ZNF81: variants seen among roughly 807,000 people sequenced by gnomAD.
The protein encoded by ZNF81 is zinc finger protein 81, also known as zinc finger protein 81 (HFZ20).
In ZNF81, 5 loss-of-function variants were observed where a neutral mutation model predicts 32.3. The ratio of observed to expected loss-of-function variants is 0.15; its 90% CI spans 0.08 to 0.33. The LOEUF is 0.33. ZNF81 is among the 10% of genes least tolerant of loss of function. The pLI, the probability that ZNF81 is intolerant of heterozygous loss-of-function variation, is 1.00. For synonymous variants in ZNF81, 163 were observed against 166.8 expected (o/e 0.98, Z 0.17); for missense variants, 379 against 479.8 (o/e 0.79, Z 1.96).
chrX:47,871,770 G>T (rs1556883945), intron 2 of ZNF81, among the ~76,000 whole-genome samples: 1 of 111,974 alleles, frequency 8.9e-6, no homozygotes, highest in Non-Finnish European at 1.9e-5. Context: ...AGAGTCAGGT[G>T]ACCCAAGGTA....
intron 2 of ZNF81, among the ~76,000 whole-genome samples, 155 bp downstream of exon 2, chrX:47,846,476 G>T (rs2058471390): frequency 9.0e-6 from 1 of 111,628 alleles, no homozygotes; most frequent in Non-Finnish European, 1.9e-5. Flanking sequence ...TCCCTTTTGT[G>T]AATTTCCTTC....
At chrX:47,905,409 T>TA (rs782351301) in intron 4 of ZNF81, among the ~76,000 whole-genome samples, 1,853 of 29,342 alleles carry the variant, frequency 0.063, 74 homozygotes, top group African/African-American at 0.078. Context: ...AGACTCCATC[T>TA]AAAAAAAAAA....
chrX:47,923,734 G>C lies in ZNF81; in HGVS notation c.*7102G>C, dbSNP rs1334859939. ...TGGACTAGATTATTCTGTCGTTTGG[G>C]TTATACTGAGAAATAAGAGTTGGCT... On this transcript the variant is annotated 3_prime_UTR_variant, in exon 5 of 5. Transcript: ENST00000338637. Among the ~76,000 whole-genome samples, 1 of 111,911 alleles carries C rather than the reference G, an allele frequency of 8.9e-6. No homozygotes were observed. The highest frequency in any genetic ancestry group is 1.9e-5 in the Non-Finnish European group (1 of 53,195).
chrX:47,849,645 C>G (rs2058485416), intron 2 of ZNF81, among the ~76,000 whole-genome samples: 2 of 106,418 alleles, frequency 1.9e-5, no homozygotes, highest in Non-Finnish European at 3.9e-5. Flanking sequence ...GCACTCCAGT[C>G]TGGGTGACAA....
chrX:47,846,089 G>T lies in ZNF81; in HGVS notation c.-163-16G>T. ...AGTGCTATCTGCCTCTGATCATATG[G>T]ACACTGTCTTTCCAGAGTTCTTGGA... On this transcript the variant is annotated splice_polypyrimidine_tract_variant and intron_variant, in intron 1 of 4. Transcript: ENST00000338637. 1 of 541,293 alleles carries T rather than the reference G, an allele frequency of 1.8e-6. No homozygotes were observed. Among genetic ancestry groups the T allele is most frequent in the Non-Finnish European group, 3.2e-6 (1 of 313,391 alleles). 44.6% of individuals were successfully genotyped at this position (541,293 alleles called of 1,213,427 possible).
At chrX:47,856,881 G>A in intron 2 of ZNF81, among the ~76,000 whole-genome samples, 1 of 111,656 alleles carries the variant, frequency 9.0e-6, no homozygotes, top group Non-Finnish European at 1.9e-5. Flanking sequence ...GGTTGGCAGA[G>A]GTTGCAGTGA....
At chrX:47,879,043 T>G (rs782038316) in intron 2 of ZNF81, among the ~76,000 whole-genome samples, 1 of 111,857 alleles carries the variant, frequency 8.9e-6, no homozygotes, top group East Asian at 2.8e-4. Flanking sequence ...TAACCTTCTC[T>G]TCTTCCTCAC....
chrX:47,888,680 G>A (rs1478357427), intron 3 of ZNF81, among the ~76,000 whole-genome samples: 1 of 111,412 alleles, frequency 9.0e-6, no homozygotes, highest in Non-Finnish European at 1.9e-5. Flanking sequence ...TGGAAATGGG[G>A]TGTGGCTGTG....
intron 2 of ZNF81, among the ~76,000 whole-genome samples, chrX:47,854,817 C>T (rs1355218884): frequency 5.4e-5 from 6 of 111,703 alleles, no homozygotes; most frequent in African/African-American, 1.3e-4. Flanking sequence ...AATAATAGGC[C>T]GGGCGCGGCG....
chrX:47,902,421 G>T (rs926183431), intron 4 of ZNF81, among the ~76,000 whole-genome samples: 1 of 111,790 alleles, frequency 8.9e-6, no homozygotes, highest in East Asian at 2.8e-4. Flanking sequence ...TCCCTAAAGA[G>T]GTAGAAGACT....
At chrX:47,889,564 T>C in intron 3 of ZNF81, among the ~76,000 whole-genome samples, 2 of 112,345 alleles carry the variant, frequency 1.8e-5, no homozygotes, top group South Asian at 7.4e-4. Context: ...TTATCATGTC[T>C]GATCTGAGGT....
intron 4 of ZNF81, among the ~76,000 whole-genome samples, chrX:47,910,129 T>C (rs1264712502): frequency 9.0e-6 from 1 of 111,692 alleles, no homozygotes; most frequent in African/African-American, 3.3e-5. Context: ...CACCCAGTAA[T>C]GGGATGGCTG....
intron 4 of ZNF81, among the ~76,000 whole-genome samples, chrX:47,903,011 C>A (rs10126681): frequency 0.011 from 1,171 of 111,244 alleles, 20 homozygotes; most frequent in African/African-American, 0.037. Flanking sequence ...ATTCAACAAC[C>A]CTTAAGGCTA....
intron 2 of ZNF81, among the ~76,000 whole-genome samples, chrX:47,861,523 G>A (rs1433394091): frequency 8.9e-6 from 1 of 111,738 alleles, no homozygotes; most frequent in Non-Finnish European, 1.9e-5. Context: ...TATTCTGTCA[G>A]AGGCTAGGGC....
At chrX:47,878,015 CT>C (rs2058606600) in intron 2 of ZNF81, among the ~76,000 whole-genome samples, 1 of 111,338 alleles carries the variant, frequency 9.0e-6, no homozygotes, top group Admixed American at 9.5e-5. Context: ...CCTCTGAGAC[CT>C]TTTCCTGTTG....
intron 1 of ZNF81, chrX:47,840,929 T>C: frequency 2.1e-6 from 1 of 481,703 alleles, no homozygotes; most frequent in Non-Finnish European, 3.6e-6. Flanking sequence ...TTCCACTTCA[T>C]TGATACAAAT....
chrX:47,880,619 G>A (rs1556885027), intron 2 of ZNF81, among the ~76,000 whole-genome samples: 1 of 111,837 alleles, frequency 8.9e-6, no homozygotes, highest in African/African-American at 3.3e-5. Context: ...ACTTGTGGGT[G>A]GGATAATAAT....
At chrX:47,877,033 C>G (rs2058602402) in intron 2 of ZNF81, among the ~76,000 whole-genome samples, 1 of 112,124 alleles carries the variant, frequency 8.9e-6, no homozygotes, top group Non-Finnish European at 1.9e-5. Flanking sequence ...ACTGGATGAG[C>G]ATTCACAGCA....
At chrX:47,875,513 G>A (rs1447734230) in intron 2 of ZNF81, among the ~76,000 whole-genome samples, 1 of 112,098 alleles carries the variant, frequency 8.9e-6, no homozygotes, top group Admixed American at 9.4e-5. Flanking sequence ...GGAGTTATAG[G>A]TTCTGCATTA....
Sources: gnomAD v4.1 joint callset for allele counts (sites outside exome capture counted in the v4.1 genomes callset) on GRCh38, gnomAD v4.1.1 for gene constraint, MANE v1.5 for transcripts, NCBI Gene and HGNC (gene_info 2026-07-23, HGNC 2026-07-21) for gene names.